Variants in CDKN2B-AS1 observed in about 807,000 individuals in gnomAD.
CDKN2B-AS1 encodes CDKN2B antisense RNA 1 (non-protein coding).
chr9:22,049,538 G>T (rs1358687310), intron 3 of CDKN2B-AS1, among the ~76,000 whole-genome samples: 1 of 152,072 alleles, frequency 6.6e-6, no homozygotes. Context: ...TTACACAAGG[G>T]GCCCCACAGG....
At chr9:22,034,896 A>G (rs560395072) in intron 1 of CDKN2B-AS1, among the ~76,000 whole-genome samples, 1 of 152,302 alleles carries the variant, frequency 6.6e-6, no homozygotes, top group East Asian at 1.9e-4. Flanking sequence ...AACCTGTGGT[A>G]TAGTGAAAGG....
intron 4 of CDKN2B-AS1, among the ~76,000 whole-genome samples, chr9:22,068,696 G>A (rs75523870): frequency 3.9e-5 from 6 of 152,290 alleles, no homozygotes; most frequent in South Asian, 4.1e-4. Context: ...TTTAGTAAAC[G>A]TGGATATGTG....
At chr9:22,003,752 G>T (rs575632072) in intron 1 of CDKN2B-AS1, 71 of 232,090 alleles carry the variant, frequency 3.1e-4, no homozygotes, top group African/African-American at 1.5e-3. Flanking sequence ...AGGTGTGTTG[G>T]GGGGGGTTAT....
At chr9:22,107,432 A>G (rs1242932727) in intron 4 of CDKN2B-AS1, among the ~76,000 whole-genome samples, 2 of 152,204 alleles carry the variant, frequency 1.3e-5, no homozygotes, top group Admixed American at 1.3e-4. Context: ...CTAAAAACAA[A>G]CAAAGCAGCC....
At chr9:22,047,771 T>C (rs1489669157) in intron 2 of CDKN2B-AS1, among the ~76,000 whole-genome samples, 4 of 151,904 alleles carry the variant, frequency 2.6e-5, no homozygotes, top group Non-Finnish European at 5.9e-5. Context: ...ACACTGTTGA[T>C]GAGAAAACTT....
Position 21,999,956 on chromosome 9 carries a change from A to T in CDKN2B-AS1, n.29+4795A>T, listed in dbSNP as rs1364853763. Among the ~76,000 whole-genome samples, 1 of 152,164 alleles carries T rather than the reference A, an allele frequency of 6.6e-6. No homozygotes were observed. The highest frequency in any genetic ancestry group is 1.5e-5 in the Non-Finnish European group (1 of 68,008). On this transcript the variant is annotated intron_variant and non_coding_transcript_variant, in intron 1 of 4. Coordinates refer to ENST00000650946, the Ensembl canonical transcript of CDKN2B-AS1. The surrounding 1 kb of genome is among the most constrained non-coding windows in gnomAD (Gnocchi z 4.7). ...TATGTACTTATATTTCTGGAAGGAT[A>T]ATTAAATATTTGTAATAGTGGTTAC...
At chr9:22,030,284 G>A (rs1340331381) in intron 1 of CDKN2B-AS1, 1 of 152,158 alleles carries the variant, frequency 6.6e-6, no homozygotes, top group African/African-American at 2.4e-5. Context: ...AGGGGAAGTA[G>A]TGAAAAATGT....
chr9:22,009,986 G>A (rs993665112), intron 1 of CDKN2B-AS1, among the ~76,000 whole-genome samples: 9 of 147,908 alleles, frequency 6.1e-5, no homozygotes, highest in African/African-American at 2.3e-4. Flanking sequence ...GCACACATAA[G>A]ACAAAAAAAA....
Position 22,005,834 on chromosome 9 carries a change from G to C in CDKN2B-AS1, n.29+10673G>C. 1.0e-6 allele frequency: 1 copy of C among 959,388 alleles called. No individual in the cohort carries two copies. Among genetic ancestry groups the C allele is most frequent in the South Asian group, 1.5e-5 (1 of 67,078 alleles). 59.4% of individuals were successfully genotyped at this position (959,388 alleles called of 1,614,324 possible). A position where few individuals can be genotyped will look rare whatever the true frequency, so the allele number is the denominator to read the frequency against. The stretch of plus-strand genomic sequence containing the variant: ...AAAAAATGTATGGAAGGTTATTCCC[G>C]GTCGGCTCCTCCTTCCTGTGAGTCT... On this transcript the variant is annotated intron_variant and non_coding_transcript_variant, in intron 1 of 4. Coordinates refer to ENST00000650946, the Ensembl canonical transcript of CDKN2B-AS1. This position sits in a 1 kb window ranked among gnomAD's most constrained non-coding sequence, Gnocchi z 4.9.
chr9:22,053,827 T>A (rs1823450291), intron 3 of CDKN2B-AS1, among the ~76,000 whole-genome samples: 1 of 152,176 alleles, frequency 6.6e-6, no homozygotes, highest in Non-Finnish European at 1.5e-5. Context: ...CTTGATGTCT[T>A]GTAGACCGTC....
At chr9:22,028,333 T>G (rs1439059556) in intron 1 of CDKN2B-AS1, among the ~76,000 whole-genome samples, 1 of 152,136 alleles carries the variant, frequency 6.6e-6, no homozygotes, top group Non-Finnish European at 1.5e-5. Flanking sequence ...TTGGCAGAGT[T>G]AAAATAAAAG....
Position 22,049,753 on chromosome 9 carries a change from C to T in CDKN2B-AS1, n.302+525C>T, listed in dbSNP as rs549275744. ...AAATTTGTTTATACACTTAAGGCATCATGTATAGTATTGTTAAATAGATAC... is the reference window on the plus strand; with the variant it reads ...AAATTTGTTTATACACTTAAGGCATTATGTATAGTATTGTTAAATAGATAC... On this transcript the variant is annotated intron_variant and non_coding_transcript_variant, in intron 3 of 4. Transcript: ENST00000650946. Among the ~76,000 whole-genome samples, 16 of 152,280 alleles carry T rather than the reference C, an allele frequency of 1.1e-4. No individual in the cohort carries two copies. The South Asian group carries it at 2.9e-3, about 28-fold the overall frequency.
At chr9:22,008,560 G>T in intron 1 of CDKN2B-AS1, 2 of 1,103,282 alleles carry the variant, frequency 1.8e-6, no homozygotes, top group Admixed American at 2.6e-5. Context: ...TTGCATCTCT[G>T]ATCATGAGAT....
intron 1 of CDKN2B-AS1, among the ~76,000 whole-genome samples, chr9:22,024,422 A>G (rs1457980064): frequency 2.6e-5 from 4 of 152,186 alleles, no homozygotes; most frequent in Non-Finnish European, 4.4e-5. Flanking sequence ...TTTGTGGGGA[A>G]CAGGAGGCTC....
At chr9:22,027,997 C>T (rs72693639) in intron 1 of CDKN2B-AS1, among the ~76,000 whole-genome samples, 1 of 152,102 alleles carries the variant, frequency 6.6e-6, no homozygotes, top group Non-Finnish European at 1.5e-5. Context: ...AAATCAATAT[C>T]TTCATCAATA....
Position 22,041,727 on chromosome 9 carries a change from A to G in CDKN2B-AS1, n.30-5024A>G, listed in dbSNP as rs553184439. Among the ~76,000 whole-genome samples, 14 of 152,176 alleles carry G rather than the reference A, an allele frequency of 9.2e-5. No individual in the cohort carries two copies. The South Asian group carries it at 2.7e-3, about 29-fold the overall frequency. On this transcript the variant is annotated intron_variant and non_coding_transcript_variant, in intron 1 of 4. Coordinates refer to ENST00000650946, the Ensembl canonical transcript of CDKN2B-AS1. ...TTCTTTATATTTGAAGATACTTTAC[A>G]TAAAAATCTAAAGCATTTTGACTTA...
intron 4 of CDKN2B-AS1, among the ~76,000 whole-genome samples, chr9:22,124,832 C>T (rs1817991499): frequency 6.6e-6 from 1 of 152,152 alleles, no homozygotes; most frequent in Non-Finnish European, 1.5e-5. Context: ...TGACCACAGG[C>T]TTTATGAGTT....
In CDKN2B-AS1 at chr9:22,006,099, G is replaced by C; in HGVS notation, n.29+10938G>C. 6.2e-7 allele frequency: 1 copy of C among 1,609,048 alleles called. No homozygotes were observed. The highest frequency in any genetic ancestry group is 8.5e-7 in the Non-Finnish European group (1 of 1,179,750). The stretch of plus-strand genomic sequence containing the variant: ...ATCGCGCACGTCCAGCCGCGCCCCG[G>C]CCCGGTGCAGCACCACCAGCGTGTC... On this transcript the variant is annotated intron_variant and non_coding_transcript_variant, in intron 1 of 4. Transcript: ENST00000650946. This position sits in a 1 kb window ranked among gnomAD's most constrained non-coding sequence, Gnocchi z 6.4.
chr9:22,127,318 G>A (rs1047377929), exon 5 of CDKN2B-AS1, among the ~76,000 whole-genome samples: 1 of 152,158 alleles, frequency 6.6e-6, no homozygotes, highest in African/African-American at 2.4e-5. Flanking sequence ...CTGACCTTGT[G>A]ATCCACCTGC....
Sources: gnomAD v4.1 joint callset for allele counts (sites outside exome capture counted in the v4.1 genomes callset) on GRCh38, gnomAD v4.1.1 for gene constraint, Gnocchi (gnomAD v3.1) non-coding constraint, MANE v1.5 for transcripts, NCBI Gene and HGNC (gene_info 2026-07-23, HGNC 2026-07-21) for gene names.